The following SH2D4B variants were observed in gnomAD, a reference collection of about 807,000 sequenced individuals.
The protein encoded by SH2D4B is SH2 domain containing 4B, also known as SH2 domain-containing protein 4B.
Under a neutral mutation model 61.5 loss-of-function variants are expected in SH2D4B, and 45 were observed. The observed-to-expected ratio is 0.73, with a 90% CI of 0.58 to 0.94. SH2D4B has a LOEUF of 0.94. Ranked by LOEUF, SH2D4B falls within the 40% of genes least tolerant of loss-of-function variation. The pLI, the probability that SH2D4B is intolerant of heterozygous loss-of-function variation, is 0.00. For missense variants in SH2D4B, 572 were observed against 574.2 expected (o/e 1.00, Z 0.04); for synonymous variants, 224 against 220.4 (o/e 1.02, Z -0.14).
intron 1 of SH2D4B, among the ~76,000 whole-genome samples, chr10:80,547,719 T>A (rs1279533138): frequency 6.6e-6 from 1 of 152,198 alleles, no homozygotes; most frequent in Non-Finnish European, 1.5e-5. Context: ...GAGGAAATAC[T>A]TGATCACGTG....
At position 80,539,532 on chromosome 10, in the gene SH2D4B, G is replaced by A. The variant is rs75000949; in HGVS notation, c.184+1017G>A. Among the ~76,000 whole-genome samples, 2,225 of 152,282 alleles carry A rather than the reference G, an allele frequency of 0.015. 54 individuals carry two copies. The highest frequency in any genetic ancestry group is 0.05 in the African/African-American group (2,097 of 41,548). On this transcript the variant is annotated intron_variant, in intron 1 of 7. Coordinates refer to ENST00000646907, the MANE Select transcript of SH2D4B (RefSeq NM_001388272.1). This position sits in a 1 kb window ranked among gnomAD's most constrained non-coding sequence, Gnocchi z 4.9. Reference sequence around the variant, plus strand: ...GGTCTTCACATGAGTGGCTCTCACCGTTGGGAATGTCCTTCTGCCTTCATC... The same window carrying A: ...GGTCTTCACATGAGTGGCTCTCACCATTGGGAATGTCCTTCTGCCTTCATC...
chr10:80,565,936 A>G (rs934003863), intron 1 of SH2D4B, among the ~76,000 whole-genome samples: 1 of 151,558 alleles, frequency 6.6e-6, no homozygotes, highest in African/African-American at 2.4e-5. Context: ...TAAAAATACA[A>G]AAAAATTAGC....
intron 3 of SH2D4B, among the ~76,000 whole-genome samples, chr10:80,582,504 G>C (rs1023959790): frequency 6.6e-6 from 1 of 152,156 alleles, no homozygotes; most frequent in Non-Finnish European, 1.5e-5. Context: ...CAGGACCCCC[G>C]CACTGGGGCC....
At chr10:80,603,137 G>A (rs986767799) in intron 4 of SH2D4B, among the ~76,000 whole-genome samples, 1 of 152,108 alleles carries the variant, frequency 6.6e-6, no homozygotes, top group Non-Finnish European at 1.5e-5. Context: ...GGTAGTGTCT[G>A]GAGATGCTGG....
At chr10:80,588,579 C>A (rs753418162) in intron 3 of SH2D4B, 51 bp from the exon 4 acceptor site, 2 of 1,599,340 alleles carry the variant, frequency 1.3e-6, no homozygotes, top group South Asian at 2.2e-5. Context: ...TTTCTCGTTT[C>A]TCTGAAGTGT....
intron 1 of SH2D4B, among the ~76,000 whole-genome samples, chr10:80,564,680 C>T (rs183309420): frequency 6.6e-6 from 1 of 152,328 alleles, no homozygotes. Flanking sequence ...CCCATCCTTT[C>T]CCCTGAATCC....
chr10:80,608,491 C>A (rs996249808), intron 5 of SH2D4B, among the ~76,000 whole-genome samples: 2 of 152,226 alleles, frequency 1.3e-5, no homozygotes, highest in Non-Finnish European at 1.5e-5. Context: ...GTGCCTGTCA[C>A]GTGTCGTGTG....
At chr10:80,591,673 G>A (rs1205693594) in intron 4 of SH2D4B, among the ~76,000 whole-genome samples, 1 of 151,976 alleles carries the variant, frequency 6.6e-6, no homozygotes, top group Non-Finnish European at 1.5e-5. Context: ...GTTAATTTAT[G>A]TAATTTTAGT....
At chr10:80,611,560 C>G (rs1034850716) in intron 6 of SH2D4B, among the ~76,000 whole-genome samples, 2 of 152,160 alleles carry the variant, frequency 1.3e-5, no homozygotes, top group Admixed American at 6.5e-5. Flanking sequence ...GTCCCTGTAG[C>G]CCCGGTAGAA....
At chr10:80,565,566 A>C (rs1841955236) in intron 1 of SH2D4B, among the ~76,000 whole-genome samples, 1 of 151,892 alleles carries the variant, frequency 6.6e-6, no homozygotes, top group Non-Finnish European at 1.5e-5. Flanking sequence ...CAACTGAAGA[A>C]CTTTATTTCT....
At chr10:80,629,550 G>A (rs1229043394) in intron 6 of SH2D4B, among the ~76,000 whole-genome samples, 1 of 152,314 alleles carries the variant, frequency 6.6e-6, no homozygotes, top group African/African-American at 2.4e-5. Context: ...ATGTTTGAGA[G>A]AATTGAGTGT....
chr10:80,643,687 C>T lies in SH2D4B; in HGVS notation c.1210-306C>T, dbSNP rs931669966. Among the ~76,000 whole-genome samples, 11 of 152,190 alleles carry T rather than the reference C, an allele frequency of 7.2e-5. 2 individuals are homozygous for T. In the South Asian group the frequency reaches 1.2e-3, roughly 17 times the overall value. ...CTACTGGAGTCCCTCAACTCTTCCT[C>T]GGCTTGCTGTAACTGGTGTCCCACA... On this transcript the variant is annotated intron_variant, in intron 7 of 7. Coordinates refer to ENST00000646907, the MANE Select transcript of SH2D4B (RefSeq NM_001388272.1).
At chr10:80,607,773 C>G (rs567607637) in intron 5 of SH2D4B, among the ~76,000 whole-genome samples, 3 of 152,252 alleles carry the variant, frequency 2.0e-5, no homozygotes, top group African/African-American at 7.2e-5. Context: ...ATTCTAAATG[C>G]CAGTACTATT....
intron 4 of SH2D4B, among the ~76,000 whole-genome samples, chr10:80,598,160 A>C (rs1208394758): frequency 6.6e-6 from 1 of 152,204 alleles, no homozygotes. Flanking sequence ...TCAGTTGCTC[A>C]GTTTCCTCAT....
At chr10:80,575,740 A>G (rs919912487) in intron 3 of SH2D4B, among the ~76,000 whole-genome samples, 1 of 152,146 alleles carries the variant, frequency 6.6e-6, no homozygotes, top group Non-Finnish European at 1.5e-5. Flanking sequence ...GAGCCACTGC[A>G]CTCCAGCCTA....
intron 1 of SH2D4B, among the ~76,000 whole-genome samples, chr10:80,549,585 A>G (rs1363850040): frequency 6.6e-6 from 1 of 152,192 alleles, no homozygotes; most frequent in Non-Finnish European, 1.5e-5. Context: ...GTGGGGATTA[A>G]GTGAGCCATG....
At chr10:80,560,918 CT>C (rs1189934920) in intron 1 of SH2D4B, among the ~76,000 whole-genome samples, 1 of 151,982 alleles carries the variant, frequency 6.6e-6, no homozygotes, top group East Asian at 1.9e-4. Flanking sequence ...GTGAGTGAAT[CT>C]TTGGTGGTAG....
chr10:80,606,146 C>T (rs928518430), intron 5 of SH2D4B, among the ~76,000 whole-genome samples: 1 of 152,174 alleles, frequency 6.6e-6, no homozygotes, highest in African/African-American at 2.4e-5. Context: ...CGCCTGTCAG[C>T]ACACCTCATC....
chr10:80,641,198 G>C (rs1380718853), intron 7 of SH2D4B, among the ~76,000 whole-genome samples: 2 of 152,226 alleles, frequency 1.3e-5, no homozygotes, highest in African/African-American at 4.8e-5. Context: ...CCTGTATGAG[G>C]TGTCAGTCAG....
Sources: gnomAD v4.1 joint callset for allele counts (sites outside exome capture counted in the v4.1 genomes callset) on GRCh38, gnomAD v4.1.1 for gene constraint, Gnocchi (gnomAD v3.1) non-coding constraint, MANE v1.5 for transcripts, NCBI Gene and HGNC (gene_info 2026-07-23, HGNC 2026-07-21) for gene names.